Variants in TMX2 observed in about 807,000 individuals in gnomAD.
TMX2 encodes thioredoxin-related transmembrane protein 2.
TMX2 carries 20 observed loss-of-function variants against 33.4 expected under a neutral mutation model. The ratio of observed to expected loss-of-function variants is 0.60; its 90% CI spans 0.42 to 0.87. The LOEUF is 0.87. Ranked by LOEUF, TMX2 falls within the 40% of genes least tolerant of loss-of-function variation. The pLI, the probability that TMX2 is intolerant of heterozygous loss-of-function variation, is 0.00. For synonymous variants in TMX2, 166 were observed against 140.7 expected (o/e 1.18, Z -1.27); for missense variants, 340 against 370.7 (o/e 0.92, Z 0.68).
chr11:57,725,038 CAAAAAAA>C (rs1315544225), intron 1 of TMX2, among the ~76,000 whole-genome samples: 1 of 61,518 alleles, frequency 1.6e-5, no homozygotes, highest in African/African-American at 5.2e-5. Flanking sequence ...GACTGTGTCT[CAAAAAAA>C]AAAAAAAAAA....
At position 57,727,813 on chromosome 11, in the gene TMX2, G is replaced by C. The variant is rs572772190; in HGVS notation, c.190-9795G>C. On this transcript the variant is annotated intron_variant, in intron 1 of 7. Coordinates refer to ENST00000278422, the MANE Select transcript of TMX2 (RefSeq NM_015959.4). ...AAACGATTTACAACCTGCTCTCTCTGAAGTCCGCTGAGAGCTTCCTCTGCA... is the reference window on the plus strand; with the variant it reads ...AAACGATTTACAACCTGCTCTCTCTCAAGTCCGCTGAGAGCTTCCTCTGCA... 3.9e-5 allele frequency among the ~76,000 whole-genome samples: 6 copies of C among 152,266 alleles called. 1 individual carries two copies. Among genetic ancestry groups the C allele is most frequent in the East Asian group, 1.9e-4 (1 of 5,174 alleles).
intron 1 of TMX2, among the ~76,000 whole-genome samples, chr11:57,736,108 A>G (rs908941277): frequency 1.3e-5 from 2 of 152,124 alleles, no homozygotes; most frequent in East Asian, 1.9e-4. Flanking sequence ...TCAGTTTTCA[A>G]GGTTTCTCTG....
intron 1 of TMX2, among the ~76,000 whole-genome samples, chr11:57,733,440 T>A (rs1948529908): frequency 6.6e-6 from 1 of 151,972 alleles, no homozygotes; most frequent in Non-Finnish European, 1.5e-5. Context: ...GTGTTTTTAG[T>A]AGAGACGGGT....
chr11:57,718,182 T>G (rs1312677305), intron 1 of TMX2: 1 of 1,286,970 alleles, frequency 7.8e-7, no homozygotes, highest in East Asian at 2.3e-5. Flanking sequence ...CCACTCACTC[T>G]TGGCAGTGTA....
At chr11:57,733,963 G>A (rs1307798333) in intron 1 of TMX2, among the ~76,000 whole-genome samples, 1 of 151,968 alleles carries the variant, frequency 6.6e-6, no homozygotes, top group African/African-American at 2.4e-5. Flanking sequence ...AAGGTCAGTA[G>A]ATCGAGACCA....
rs772661597 is a variant in TMX2 at position 57,712,690 on chromosome 11, T to A, written c.72T>A (p.Pro24=). The change falls in exon 1 of 8, where the codon CCT becomes CCA. Residue 24 remains proline (P), a synonymous_variant. Transcript: ENST00000278422. ...GACTTTCACGATGGCTCGCCCAACC[T>A]TACTACCTTCTGTCGGCCCTGCTCT... The part of the protein sequence containing the change: ...VPRLSRWLAQ[P]YYLLSALLSA... 62 of 1,614,062 alleles carry A rather than the reference T, an allele frequency of 3.8e-5. No homozygotes were observed. The highest frequency in any genetic ancestry group is 2.5e-6 in the Non-Finnish European group (3 of 1,180,044).
chr11:57,731,983 A>C (rs1948437851), intron 1 of TMX2, among the ~76,000 whole-genome samples: 1 of 152,192 alleles, frequency 6.6e-6, no homozygotes, highest in African/African-American at 2.4e-5. Context: ...AGACAATGTG[A>C]ATATTCATAC....
intron 1 of TMX2, among the ~76,000 whole-genome samples, chr11:57,736,534 T>G (rs1317877247): frequency 7.9e-5 from 12 of 151,880 alleles, no homozygotes; most frequent in Admixed American, 7.9e-4. Context: ...CCCTTTCAGC[T>G]CTCAAATTAT....
chr11:57,716,435 C>CG (rs1210081797), intron 1 of TMX2, among the ~76,000 whole-genome samples: 1 of 113,176 alleles, frequency 8.8e-6, no homozygotes, highest in African/African-American at 3.3e-5. Flanking sequence ...GCTGGCCGGG[C>CG]GGGGGGCTGA....
intron 1 of TMX2, among the ~76,000 whole-genome samples, chr11:57,716,444 G>A (rs1947050732): frequency 7.4e-6 from 1 of 135,204 alleles, no homozygotes; most frequent in Admixed American, 7.1e-5. Flanking sequence ...GCGGGGGGCT[G>A]ACCCCCCCAC....
At chr11:57,727,596 A>G (rs1316157816) in intron 1 of TMX2, among the ~76,000 whole-genome samples, 1 of 152,224 alleles carries the variant, frequency 6.6e-6, no homozygotes, top group Non-Finnish European at 1.5e-5. Flanking sequence ...TGACTCTGGC[A>G]TAACAAGGAA....
intron 1 of TMX2, among the ~76,000 whole-genome samples, chr11:57,719,422 T>A (rs1461911636): frequency 6.6e-6 from 1 of 150,568 alleles, no homozygotes; most frequent in Non-Finnish European, 1.5e-5. Context: ...AAACCCCCTT[T>A]AAAAAAAAAT....
chr11:57,715,995 C>CA (rs1946972169), intron 1 of TMX2, among the ~76,000 whole-genome samples: 1 of 152,216 alleles, frequency 6.6e-6, no homozygotes, highest in Non-Finnish European at 1.5e-5. Flanking sequence ...TCTACACAGA[C>CA]ACGGCAACCA....
intron 1 of TMX2, among the ~76,000 whole-genome samples, chr11:57,729,727 C>T (rs1948234714): frequency 1.3e-5 from 2 of 150,684 alleles, no homozygotes; most frequent in Admixed American, 6.6e-5. Flanking sequence ...TATCGGCATA[C>T]CTAATAAGTC....
intron 1 of TMX2, among the ~76,000 whole-genome samples, chr11:57,725,742 A>G (rs1199340543): frequency 2.7e-5 from 4 of 149,508 alleles, no homozygotes; most frequent in East Asian, 1.9e-4. Flanking sequence ...TATCTCGAAG[A>G]AAAAAAAAAG....
At chr11:57,738,470 T>TAA in intron 4 of TMX2, 40 bp downstream of exon 4, 1 of 1,494,786 alleles carries the variant, frequency 6.7e-7, no homozygotes, top group South Asian at 1.1e-5. Context: ...GGGTCCCTTG[T>TAA]GGGTGATTTT....
intron 1 of TMX2, among the ~76,000 whole-genome samples, chr11:57,726,284 G>A (rs890011878): frequency 6.6e-6 from 1 of 151,948 alleles, no homozygotes; most frequent in African/African-American, 2.4e-5. Context: ...GTGGTGGCAT[G>A]CGCCTGTAGT....
intron 1 of TMX2, chr11:57,718,311 C>G (rs1947315085): frequency 6.4e-6 from 10 of 1,557,672 alleles, no homozygotes; most frequent in Non-Finnish European, 8.8e-6. Flanking sequence ...GATGGACTTG[C>G]CACCAGTGCC....
At chr11:57,713,987 G>A (rs1424096289) in intron 1 of TMX2, among the ~76,000 whole-genome samples, 1 of 152,208 alleles carries the variant, frequency 6.6e-6, no homozygotes, top group Non-Finnish European at 1.5e-5. Context: ...TCTTTGACAG[G>A]TCTGGACTTT....
Sources: allele counts gnomAD v4.1 joint callset (sites outside exome capture counted in the v4.1 genomes callset), GRCh38; gene constraint gnomAD v4.1.1; transcripts MANE v1.5; gene names NCBI Gene and HGNC (gene_info 2026-07-23, HGNC 2026-07-21).